The following COBL variants were observed in gnomAD, a reference collection of about 807,000 sequenced individuals.
COBL encodes the protein cordon-bleu WH2 repeat protein, also known as protein cordon-bleu.
COBL carries 51 observed loss-of-function variants against 98.8 expected under a neutral mutation model. The observed-to-expected ratio is 0.52, with a 90% CI of 0.41 to 0.65. The LOEUF (loss-of-function observed/expected upper bound fraction) is 0.65. Ranked by LOEUF, COBL falls within the 30% of genes least tolerant of loss-of-function variation. COBL has a pLI of 0.00. For synonymous variants in COBL, 634 were observed against 651.7 expected (o/e 0.97, Z 0.41); for missense variants, 1,617 against 1,617.5 (o/e 1.00, Z 0.01).
Position 51,187,331 on chromosome 7 carries a change from T to TACATAC in COBL, c.686-3133_686-3132insGTATGT, listed in dbSNP as rs1554421103. Among the ~76,000 whole-genome samples, 641 of 101,444 alleles carry TACATAC rather than the reference T, an allele frequency of 6.3e-3. 12 individuals are homozygous for TACATAC. The highest frequency in any genetic ancestry group is 0.051 in the East Asian group (183 of 3,560). The allele number at this position is 101,444 out of a possible 152,430, so 66.6% of individuals were successfully genotyped here. A position where few individuals can be genotyped will look rare whatever the true frequency, so the allele number is the denominator to read the frequency against. On this transcript the variant is annotated intron_variant, in intron 4 of 12. Transcript: ENST00000265136. ...TTAAGTATATATATATATATATATA[T>TACATAC]ACACACACACACACACACACACACA...
chr7:51,288,004 A>T (rs913366062), intron 1 of COBL, among the ~76,000 whole-genome samples: 8 of 152,210 alleles, frequency 5.3e-5, no homozygotes, highest in African/African-American at 1.9e-4. Flanking sequence ...GTTGCCAGGA[A>T]GAGAACAAAA....
At chr7:51,048,559 T>C (rs1789939811) in intron 7 of COBL, among the ~76,000 whole-genome samples, 1 of 152,122 alleles carries the variant, frequency 6.6e-6, no homozygotes, top group South Asian at 2.1e-4. Context: ...AGAGCATGTC[T>C]CTTCTTCCTT....
At chr7:51,089,407 C>A (rs1374984197) in intron 6 of COBL, among the ~76,000 whole-genome samples, 2 of 151,778 alleles carry the variant, frequency 1.3e-5, no homozygotes, top group East Asian at 3.9e-4. Context: ...CCCAGCTACT[C>A]GGGAAGCTGA....
Position 51,028,196 on chromosome 7 carries a change from GGTCT to G in COBL, c.2896_2899del (p.Arg966LeufsTer98). On this transcript the variant is annotated frameshift_variant, in exon 10 of 13. Coordinates refer to ENST00000265136, the MANE Select transcript of COBL (RefSeq NM_015198.5). LOFTEE classifies it high-confidence loss of function. ...ACAGGAGCTTCTGTGGATAGCAGCA[GGTCT>G]GTCCTGAGTAGACAACTTCCTGTGT... 1 of 1,614,256 alleles carries G rather than the reference GGTCT, an allele frequency of 6.2e-7. No homozygotes were observed. Among genetic ancestry groups the G allele is most frequent in the South Asian group, 1.1e-5 (1 of 91,088 alleles).
At chr7:51,178,040 G>A (rs770540676) in intron 5 of COBL, among the ~76,000 whole-genome samples, 84 of 151,794 alleles carry the variant, frequency 5.5e-4, no homozygotes, top group Non-Finnish European at 1.1e-3. Context: ...CAGCTACTGC[G>A]GAGGCTGGAG....
chr7:51,217,573 C>T (rs1793194601), intron 2 of COBL, among the ~76,000 whole-genome samples: 2 of 151,814 alleles, frequency 1.3e-5, no homozygotes, highest in South Asian at 4.2e-4. Flanking sequence ...AAACTCCTGA[C>T]ATCAGGTGAT....
At chr7:51,193,725 G>T in intron 2 of COBL, 136 bp from the exon 3 acceptor site, 1 of 730,490 alleles carries the variant, frequency 1.4e-6, no homozygotes, top group Non-Finnish European at 2.3e-6. Flanking sequence ...GACAACAGAA[G>T]CTCATTAATT....
intron 7 of COBL, among the ~76,000 whole-genome samples, chr7:51,060,938 G>A (rs1025378153): frequency 3.3e-5 from 5 of 152,114 alleles, no homozygotes; most frequent in Admixed American, 2.0e-4. Flanking sequence ...GAACAGTATG[G>A]GATGTAGGAG....
chr7:51,206,329 T>TA (rs1791700058), intron 2 of COBL, among the ~76,000 whole-genome samples: 2 of 151,744 alleles, frequency 1.3e-5, no homozygotes, highest in African/African-American at 4.8e-5. Flanking sequence ...CTATCTCCAC[T>TA]AAAAATACAA....
intron 2 of COBL, among the ~76,000 whole-genome samples, chr7:51,214,175 A>G (rs1792777493): frequency 6.6e-6 from 1 of 152,090 alleles, no homozygotes; most frequent in Non-Finnish European, 1.5e-5. Context: ...CTGAGGCAAG[A>G]GAATCACTTG....
chr7:51,312,333 C>G (rs1371217281), intron 1 of COBL, among the ~76,000 whole-genome samples: 1 of 151,790 alleles, frequency 6.6e-6, no homozygotes, highest in South Asian at 2.1e-4. Flanking sequence ...TATGTCCCCC[C>G]ACCAAAAAAA....
chr7:51,238,292 G>C (rs1373438198), intron 1 of COBL, among the ~76,000 whole-genome samples: 2 of 152,166 alleles, frequency 1.3e-5, no homozygotes, highest in Non-Finnish European at 2.9e-5. Flanking sequence ...CTGTTCTTTG[G>C]AGCAAGGATG....
chr7:51,040,579 T>G (rs1015511194), intron 8 of COBL, among the ~76,000 whole-genome samples: 4 of 152,196 alleles, frequency 2.6e-5, no homozygotes, highest in African/African-American at 9.6e-5. Context: ...GATAGATAGG[T>G]GGCATATCTG....
chr7:51,160,721 A>G (rs758701562), intron 5 of COBL, among the ~76,000 whole-genome samples: 9 of 152,138 alleles, frequency 5.9e-5, no homozygotes, highest in Non-Finnish European at 1.2e-4. Flanking sequence ...AGCAAACAAA[A>G]ACAAAAGCCA....
intron 7 of COBL, among the ~76,000 whole-genome samples, chr7:51,063,220 C>T (rs1791566105): frequency 6.6e-6 from 1 of 151,534 alleles, no homozygotes; most frequent in Non-Finnish European, 1.5e-5. Flanking sequence ...CTGCAACCTC[C>T]ACCTCCCGGG....
At chr7:51,039,843 G>A (rs1009671885) in intron 8 of COBL, among the ~76,000 whole-genome samples, 1 of 152,174 alleles carries the variant, frequency 6.6e-6, no homozygotes, top group African/African-American at 2.4e-5. Context: ...TACAATTTGA[G>A]AGACATCACA....
chr7:51,294,677 A>G (rs1316555025), intron 1 of COBL, among the ~76,000 whole-genome samples: 1 of 150,054 alleles, frequency 6.7e-6, no homozygotes, highest in Admixed American at 6.6e-5. Context: ...TTTGGTCTTA[A>G]TTCTAAGTAA....
At chr7:51,136,697 A>C (rs1799271696) in intron 5 of COBL, among the ~76,000 whole-genome samples, 1 of 152,318 alleles carries the variant, frequency 6.6e-6, no homozygotes, top group South Asian at 2.1e-4. Flanking sequence ...CTTAGACACT[A>C]AAAAGAGGAA....
chr7:51,162,368 T>G (rs1786905999), intron 5 of COBL, among the ~76,000 whole-genome samples: 1 of 152,210 alleles, frequency 6.6e-6, no homozygotes, highest in African/African-American at 2.4e-5. Context: ...AGTTGAAAGA[T>G]GAGAATATTT....
Sources: allele counts gnomAD v4.1 joint callset (sites outside exome capture counted in the v4.1 genomes callset), GRCh38; gene constraint gnomAD v4.1.1; transcripts MANE v1.5; gene names NCBI Gene and HGNC (gene_info 2026-07-23, HGNC 2026-07-21).